Variants in MAML3 observed in about 807,000 individuals in gnomAD.
MAML3 encodes the protein mastermind-like protein 3.
MAML3 carries 27 observed loss-of-function variants against 101.9 expected under a neutral mutation model. The ratio of observed to expected loss-of-function variants is 0.27; its 90% confidence interval spans 0.20 to 0.37. The LOEUF (loss-of-function observed/expected upper bound fraction) is 0.37, where lower values mean the gene tolerates loss of function less well. MAML3 is among the 10% of genes least tolerant of loss of function. MAML3 has a pLI of 1.00. For missense variants in MAML3, 1,316 were observed against 1,444.9 expected (o/e 0.91, Z 1.45); for synonymous variants, 501 against 555.9 (o/e 0.90, Z 1.39).
chr4:139,973,656 A>C (rs1490452639), intron 1 of MAML3, among the ~76,000 whole-genome samples: 1 of 152,186 alleles, frequency 6.6e-6, no homozygotes, highest in South Asian at 2.1e-4. Flanking sequence ...AATAGTCCTG[A>C]CAGGCCACCA....
At chr4:139,828,954 CAGAGTAAGACCCTGTTGAA>C (rs1469172746) in intron 2 of MAML3, among the ~76,000 whole-genome samples, 1 of 146,598 alleles carries the variant, frequency 6.8e-6, no homozygotes, top group African/African-American at 2.5e-5. Flanking sequence ...GCCTGGGTGA[CAGAGTAAGACCCTGTTGAA>C]AGAGGAAGGA....
chr4:139,852,411 T>G (rs916573251), intron 2 of MAML3, among the ~76,000 whole-genome samples: 2 of 134,334 alleles, frequency 1.5e-5, no homozygotes, highest in Non-Finnish European at 3.2e-5. Context: ...CTGTTTTTTT[T>G]TTTTTTTTTT....
intron 1 of MAML3, among the ~76,000 whole-genome samples, chr4:140,099,319 T>A (rs1405013599): frequency 6.6e-6 from 1 of 151,186 alleles, no homozygotes; most frequent in African/African-American, 2.4e-5. Flanking sequence ...AAATACTGAG[T>A]TCTTAATTTT....
At chr4:139,967,839 A>T (rs1407087044) in intron 1 of MAML3, among the ~76,000 whole-genome samples, 2 of 152,034 alleles carry the variant, frequency 1.3e-5, no homozygotes, top group Non-Finnish European at 2.9e-5. Context: ...CTTGTATTTA[A>T]AGTCAACCTC....
chr4:139,970,862 A>G (rs1447590768), intron 1 of MAML3, among the ~76,000 whole-genome samples: 3 of 152,190 alleles, frequency 2.0e-5, no homozygotes, highest in African/African-American at 7.2e-5. Flanking sequence ...GGCCTAGAAG[A>G]GCACCTAGCA....
intron 1 of MAML3, among the ~76,000 whole-genome samples, chr4:140,123,417 T>G (rs1728639914): frequency 6.6e-6 from 1 of 151,852 alleles, no homozygotes; most frequent in Admixed American, 6.6e-5. Flanking sequence ...TGTGAGTACT[T>G]TTTTTTTAAA....
At chr4:139,803,185 G>A (rs1245860746) in intron 2 of MAML3, among the ~76,000 whole-genome samples, 1 of 152,150 alleles carries the variant, frequency 6.6e-6, no homozygotes, top group Non-Finnish European at 1.5e-5. Context: ...GAGCCTGAGA[G>A]GCAGAGGCTG....
chr4:140,089,052 C>T (rs1039023143), intron 1 of MAML3, among the ~76,000 whole-genome samples: 2 of 151,986 alleles, frequency 1.3e-5, no homozygotes, highest in African/African-American at 4.8e-5. Context: ...ACTCAAAATA[C>T]TCCCACAAAT....
chr4:139,967,908 C>A (rs1734165665), intron 1 of MAML3, among the ~76,000 whole-genome samples: 1 of 149,026 alleles, frequency 6.7e-6, no homozygotes, highest in African/African-American at 2.5e-5. Context: ...ACTTTCAAGT[C>A]ACGTTAGGGC....
chr4:140,138,514 G>A (rs924958992), intron 1 of MAML3, among the ~76,000 whole-genome samples: 6 of 152,178 alleles, frequency 3.9e-5, no homozygotes, highest in Non-Finnish European at 8.8e-5. Flanking sequence ...CGGGCAGAGG[G>A]CTACTGCAGG....
intron 2 of MAML3, among the ~76,000 whole-genome samples, chr4:139,819,245 G>C (rs1332630382): frequency 6.6e-6 from 1 of 152,154 alleles, no homozygotes; most frequent in Non-Finnish European, 1.5e-5. Context: ...GGAGGAGGGA[G>C]CTTAATGGGC....
intron 2 of MAML3, among the ~76,000 whole-genome samples, chr4:139,863,748 T>A (rs188598560): frequency 6.6e-6 from 1 of 151,744 alleles, no homozygotes; most frequent in East Asian, 2.0e-4. Context: ...TCTACAAATG[T>A]AACAAGTTAC....
At position 139,963,356 on chromosome 4, in the gene MAML3, A is replaced by G. The variant is rs559701926; in HGVS notation, c.469-72389T>C. 2.2e-4 allele frequency among the ~76,000 whole-genome samples: 34 copies of G among 152,310 alleles called. No homozygotes were observed. In the South Asian group the frequency reaches 6.6e-3, roughly 30 times the overall value. Reference sequence around the variant, plus strand: ...TGGGAGGTCTAGAATGGTCCCCAAGATTGTGTTTGTAGAAAGCGTCTATTT... The same window carrying G: ...TGGGAGGTCTAGAATGGTCCCCAAGGTTGTGTTTGTAGAAAGCGTCTATTT... On this transcript the variant is annotated intron_variant, in intron 1 of 4. Transcript: ENST00000509479.
chr4:140,129,695 G>A (rs1026791827), intron 1 of MAML3, among the ~76,000 whole-genome samples: 15 of 152,140 alleles, frequency 9.9e-5, no homozygotes, highest in South Asian at 4.1e-4. Context: ...GGCCGGGCGC[G>A]GTGGCTCATG....
At chr4:139,840,857 G>A (rs1372280574) in intron 2 of MAML3, among the ~76,000 whole-genome samples, 1 of 152,174 alleles carries the variant, frequency 6.6e-6, no homozygotes, top group East Asian at 1.9e-4. Flanking sequence ...CTCAATTGCC[G>A]TGTGCATTGT....
Position 139,848,297 on chromosome 4 carries a change from G to A in MAML3, c.2079+41060C>T, listed in dbSNP as rs190725812. Among the ~76,000 whole-genome samples, 545 of 152,258 alleles carry A rather than the reference G, an allele frequency of 3.6e-3. 5 individuals carry two copies. The highest frequency in any genetic ancestry group is 2.6e-3 in the Non-Finnish European group (177 of 68,020). On this transcript the variant is annotated intron_variant, in intron 2 of 4. Coordinates refer to ENST00000509479, the MANE Select transcript of MAML3 (RefSeq NM_018717.5). ...GACGGCTGCTTCTCACCAGGGCACC[G>A]TTAAAGCTGAGGCAGAAGCTGCATA...
intron 1 of MAML3, among the ~76,000 whole-genome samples, chr4:140,030,854 C>T (rs188964948): frequency 5.9e-5 from 9 of 152,212 alleles, no homozygotes; most frequent in Non-Finnish European, 1.3e-4. Flanking sequence ...ATTATTACCT[C>T]TCCAGGCACT....
intron 1 of MAML3, among the ~76,000 whole-genome samples, chr4:139,904,898 T>C (rs1249745416): frequency 3.9e-5 from 6 of 152,170 alleles, no homozygotes; most frequent in Non-Finnish European, 8.8e-5. Flanking sequence ...TCTAACCATA[T>C]CTAAACACAG....
chr4:139,781,965 G>C (rs1730224262), intron 2 of MAML3, among the ~76,000 whole-genome samples: 1 of 152,170 alleles, frequency 6.6e-6, no homozygotes, highest in Admixed American at 6.5e-5. Context: ...AATTGGACTG[G>C]ATGGAAGGGT....
Sources: allele counts gnomAD v4.1 joint callset (sites outside exome capture counted in the v4.1 genomes callset), GRCh38; gene constraint gnomAD v4.1.1; transcripts MANE v1.5; gene names NCBI Gene and HGNC (gene_info 2026-07-23, HGNC 2026-07-21).